Variants in NUP205 observed in about 807,000 individuals in gnomAD.
NUP205 encodes the protein nucleoporin 205, also known as nuclear pore complex protein Nup205.
In NUP205, 76 loss-of-function variants were observed where a neutral mutation model predicts 253.8. The ratio of observed to expected loss-of-function variants is 0.30; its 90% CI spans 0.25 to 0.36. The LOEUF is 0.36. Ranked by LOEUF, NUP205 falls within the 10% of genes least tolerant of loss-of-function variation. The pLI, the probability that NUP205 is intolerant of heterozygous loss-of-function variation, is 1.00. For synonymous variants in NUP205, 832 were observed against 850.1 expected, an observed-to-expected ratio of 0.98 and a Z score of 0.37; for missense variants, 2,162 against 2,425.5, an observed-to-expected ratio of 0.89 and a Z score of 2.28.
intron 22 of NUP205, among the ~76,000 whole-genome samples, chr7:135,609,491 T>A (rs769071306): frequency 1.8e-5 from 2 of 113,206 alleles, no homozygotes; most frequent in African/African-American, 3.5e-5. Context: ...AAAAAAAAAA[T>A]ACAAAAATTA....
intron 18 of NUP205, among the ~76,000 whole-genome samples, chr7:135,603,809 C>T (rs1030571598): frequency 1.3e-5 from 2 of 152,106 alleles, no homozygotes; most frequent in Middle Eastern, 3.2e-3. Flanking sequence ...TGTGCCCACC[C>T]GAAATCTCTA....
intron 16 of NUP205, 60 bp downstream of exon 16, chr7:135,601,029 G>A: frequency 1.2e-6 from 1 of 831,548 alleles, no homozygotes; most frequent in East Asian, 2.7e-5. Context: ...ATAAATTATG[G>A]CTATGTTATA....
At chr7:135,646,113 A>T in intron 41 of NUP205, 45 bp from the exon 42 acceptor site, 2 of 1,230,070 alleles carry the variant, frequency 1.6e-6, no homozygotes, top group Non-Finnish European at 2.4e-6. Context: ...TGTGTGGTAG[A>T]TAGGTACTTG....
At chr7:135,561,180 A>G (rs1805570518) in intron 1 of NUP205, among the ~76,000 whole-genome samples, 1 of 152,058 alleles carries the variant, frequency 6.6e-6, no homozygotes, top group Admixed American at 6.6e-5. Context: ...CCCTGTCTCT[A>G]CAAAAATACA....
chr7:135,600,149 A>G (rs527811163), intron 15 of NUP205, among the ~76,000 whole-genome samples: 3 of 152,196 alleles, frequency 2.0e-5, no homozygotes, highest in Non-Finnish European at 2.9e-5. Context: ...TTAAAATTCT[A>G]TGTAGTGGAT....
At chr7:135,638,515 T>C (rs375658187) in intron 37 of NUP205, 42 bp from the exon 38 acceptor site, 1 of 1,596,150 alleles carries the variant, frequency 6.3e-7, no homozygotes, top group Admixed American at 1.7e-5. Flanking sequence ...AATTGAGACA[T>C]TTCAGGGTCT....
Position 135,573,332 on chromosome 7 carries a change from G to T in NUP205, c.172-322G>T, listed in dbSNP as rs535938100. On this transcript the variant is annotated intron_variant, in intron 2 of 42. Coordinates refer to ENST00000285968, the MANE Select transcript of NUP205 (RefSeq NM_015135.3). ...ATCCATTTGTTATGTACCATTTGAA[G>T]ACCTTATTATTTTTATTTATTATGT... 4.6e-5 allele frequency among the ~76,000 whole-genome samples: 7 copies of T among 152,228 alleles called. No individual in the cohort carries two copies. In the South Asian group the frequency reaches 1.5e-3, roughly 32 times the overall value.
rs34482653 is a variant in NUP205, at chr7:135,562,545, C to CTTTT, written c.28+4591_28+4594dup. Among the ~76,000 whole-genome samples the CTTTT allele has an allele frequency of 2.1e-3, 201 of 97,366 alleles. 2 individuals are homozygous for CTTTT. Among genetic ancestry groups the CTTTT allele is most frequent in the Non-Finnish European group, 2.7e-3 (142 of 52,068 alleles). The allele number at this position is 97,366 out of a possible 152,430, so 63.9% of individuals were successfully genotyped here. ...ATCTTTTAGAGTAAAGACCAAAATC[C>CTTTT]TTTTTTTTTTTTTTTTTTTTTGAGA... On this transcript the variant is annotated intron_variant, in intron 1 of 42. Coordinates refer to ENST00000285968, the MANE Select transcript of NUP205 (RefSeq NM_015135.3).
intron 15 of NUP205, among the ~76,000 whole-genome samples, chr7:135,598,557 T>C (rs1050017117): frequency 3.3e-5 from 5 of 152,204 alleles, no homozygotes; most frequent in African/African-American, 1.2e-4. Context: ...TGAAATAAGT[T>C]TAAACTTGCA....
chr7:135,636,394 C>T (rs1794811263), intron 36 of NUP205, among the ~76,000 whole-genome samples: 1 of 152,058 alleles, frequency 6.6e-6, no homozygotes, highest in African/African-American at 2.4e-5. Context: ...GATTAAATAA[C>T]ACATGGTATC....
intron 3 of NUP205, among the ~76,000 whole-genome samples, chr7:135,574,226 A>T (rs1806086356): frequency 6.6e-6 from 1 of 152,206 alleles, no homozygotes; most frequent in Non-Finnish European, 1.5e-5. Context: ...AGCACAAAGC[A>T]CTTACTGTCA....
intron 28 of NUP205, 25 bp from the exon 29 acceptor site, chr7:135,619,398 C>A: frequency 6.3e-7 from 1 of 1,594,946 alleles, no homozygotes; most frequent in Non-Finnish European, 8.5e-7. Context: ...AGGATTCTCA[C>A]TCTAATTTGC....
intron 32 of NUP205, among the ~76,000 whole-genome samples, 184 bp downstream of exon 32, chr7:135,625,539 A>G (rs529212200): frequency 1.3e-5 from 2 of 152,294 alleles, no homozygotes; most frequent in East Asian, 3.9e-4. Context: ...ATGATCCTCA[A>G]AGGGATAGCT....
At chr7:135,582,704 A>G (rs899519575) in intron 7 of NUP205, among the ~76,000 whole-genome samples, 2 of 152,092 alleles carry the variant, frequency 1.3e-5, no homozygotes, top group Non-Finnish European at 2.9e-5. Flanking sequence ...GGCTCAAGCA[A>G]TCCTCCTGTC....
intron 7 of NUP205, among the ~76,000 whole-genome samples, chr7:135,583,484 G>C (rs1055062409): frequency 1.2e-4 from 18 of 152,110 alleles, no homozygotes; most frequent in African/African-American, 4.3e-4. Flanking sequence ...TAATGGCCAG[G>C]CGCAGTGACT....
chr7:135,648,640 T>C lies in NUP205; in HGVS notation c.*84T>C, dbSNP rs1795061881. ...TATAGATTAGTTTCTTTCTAAATTA[T>C]GACCAAAAATATTTTGCTATTTCTT... On this transcript the variant is annotated 3_prime_UTR_variant, in exon 43 of 43. Coordinates refer to ENST00000285968, the MANE Select transcript of NUP205 (RefSeq NM_015135.3). The C allele has an allele frequency of 1.8e-6, 2 of 1,130,962 alleles. No individual in the cohort carries two copies. 70.1% of individuals were successfully genotyped at this position (1,130,962 alleles called of 1,614,324 possible). A position where few individuals can be genotyped will look rare whatever the true frequency, so the allele number is the denominator to read the frequency against.
chr7:135,624,386 A>AT (rs754062800), intron 31 of NUP205, among the ~76,000 whole-genome samples: 3 of 125,142 alleles, frequency 2.4e-5, no homozygotes, highest in Admixed American at 7.8e-5. Flanking sequence ...TTTTATTTTT[A>AT]TTTTTTTTGA....
Position 135,648,553 on chromosome 7 carries a change from C to T in NUP205, c.6036C>T (p.Asn2012=). 1 of 1,550,564 alleles carries T rather than the reference C, an allele frequency of 6.4e-7. No homozygotes were observed. Among genetic ancestry groups the T allele is most frequent in the Non-Finnish European group, 8.7e-7 (1 of 1,153,558 alleles). ...RIRGLLRISR[N] is the part of the protein sequence containing the mutation. ...GTGGCCTCTTGAGGATATCAAGGAA[C>T]TGAGAGCCCGTGCTTATGCTCTTCT... is the stretch of plus-strand genomic sequence containing the variant. Residue 2012 remains asparagine (N), a synonymous_variant, in exon 43 of 43, where the codon AAC becomes AAT. Coordinates refer to ENST00000285968, the MANE Select transcript of NUP205 (RefSeq NM_015135.3).
At chr7:135,619,030 C>G in intron 28 of NUP205, among the ~76,000 whole-genome samples, 1 of 152,010 alleles carries the variant, frequency 6.6e-6, no homozygotes, top group East Asian at 1.9e-4. Context: ...GTATTCCATT[C>G]TTATATTGTT....
Sources: allele counts gnomAD v4.1 joint callset (sites outside exome capture counted in the v4.1 genomes callset), GRCh38; gene constraint gnomAD v4.1.1; transcripts MANE v1.5; gene names NCBI Gene and HGNC (gene_info 2026-07-23, HGNC 2026-07-21).